The following CACNG2 variants were observed in gnomAD, a reference collection of about 807,000 sequenced individuals.
The protein encoded by CACNG2 is voltage-dependent calcium channel gamma-2 subunit.
Under a neutral mutation model 25.9 loss-of-function variants are expected in CACNG2, and 3 were observed. The observed-to-expected ratio is 0.12, with a 90% confidence interval of 0.05 to 0.30. CACNG2 has a LOEUF of 0.30. CACNG2 is among the 10% of genes least tolerant of loss of function. The pLI is 1.00. For missense variants in CACNG2, 341 were observed against 432.5 expected, an observed-to-expected ratio of 0.79 and a Z score of 1.88; for synonymous variants, 167 against 173.3, an observed-to-expected ratio of 0.96 and a Z score of 0.29.
intron 2 of CACNG2, among the ~76,000 whole-genome samples, chr22:36,570,498 G>A (rs939364494): frequency 3.9e-5 from 6 of 152,176 alleles, no homozygotes; most frequent in Admixed American, 2.0e-4. Flanking sequence ...GGTGGCTCAC[G>A]CCTGTAATCC....
intron 1 of CACNG2, among the ~76,000 whole-genome samples, chr22:36,625,888 T>C (rs1249242563): frequency 6.6e-6 from 1 of 152,170 alleles, no homozygotes; most frequent in Non-Finnish European, 1.5e-5. Flanking sequence ...CAGATTGAGC[T>C]AGCTACCTTG....
intron 2 of CACNG2, among the ~76,000 whole-genome samples, chr22:36,567,163 A>G (rs1240431129): frequency 6.6e-6 from 1 of 152,230 alleles, no homozygotes; most frequent in Non-Finnish European, 1.5e-5. Context: ...AGGGATGGTA[A>G]TAATGCCAAG....
chr22:36,597,741 C>T (rs1173775687), intron 1 of CACNG2, among the ~76,000 whole-genome samples: 4 of 152,172 alleles, frequency 2.6e-5, no homozygotes, highest in Admixed American at 6.5e-5. Context: ...CTGGGGATCA[C>T]GTTAAGCCAG....
chr22:36,586,016 AC>A (rs1180549660), intron 2 of CACNG2, among the ~76,000 whole-genome samples: 3 of 152,274 alleles, frequency 2.0e-5, no homozygotes, highest in Non-Finnish European at 4.4e-5. Flanking sequence ...TTCGAGCTCC[AC>A]CTGGTGAGCC....
At chr22:36,679,184 TCC>T (rs1203081569) in intron 1 of CACNG2, among the ~76,000 whole-genome samples, 1,147 of 114,174 alleles carry the variant, frequency 0.01, 8 homozygotes, top group Middle Eastern at 0.028. Context: ...CTTCCTTCCT[TCC>T]TTCCTTCCTT....
chr22:36,643,095 CTT>C (rs1936465365), intron 1 of CACNG2, among the ~76,000 whole-genome samples: 1 of 144,070 alleles, frequency 6.9e-6, no homozygotes, highest in Admixed American at 7.2e-5. Flanking sequence ...TTCTTTCTCT[CTT>C]TCTCTTCTCT....
At chr22:36,612,068 C>A (rs376533593) in intron 1 of CACNG2, among the ~76,000 whole-genome samples, 1 of 152,178 alleles carries the variant, frequency 6.6e-6, no homozygotes, top group East Asian at 1.9e-4. Context: ...CAGACTCCAG[C>A]AATCCAAGTT....
chr22:36,663,621 G>A (rs1038760045), intron 1 of CACNG2, among the ~76,000 whole-genome samples: 2 of 152,066 alleles, frequency 1.3e-5, no homozygotes, highest in African/African-American at 2.4e-5. Context: ...TTATTAATGC[G>A]TCGCGAGGGG....
At chr22:36,680,867 C>A (rs995478515) in intron 1 of CACNG2, among the ~76,000 whole-genome samples, 6 of 150,250 alleles carry the variant, frequency 4.0e-5, no homozygotes, top group African/African-American at 1.2e-4. Flanking sequence ...CCACCATCAC[C>A]ATCACTATCA....
chr22:36,567,859 T>G (rs888982190), intron 2 of CACNG2, among the ~76,000 whole-genome samples: 2 of 152,130 alleles, frequency 1.3e-5, no homozygotes, highest in Non-Finnish European at 2.9e-5. Flanking sequence ...TTTATTATTA[T>G]TATTTTTTGA....
intron 1 of CACNG2, among the ~76,000 whole-genome samples, chr22:36,643,886 C>A (rs1426567306): frequency 2.6e-5 from 4 of 152,128 alleles, no homozygotes; most frequent in African/African-American, 7.2e-5. Flanking sequence ...GATGAAAAAA[C>A]TGGGGCTTAA....
intron 1 of CACNG2, among the ~76,000 whole-genome samples, chr22:36,661,325 A>G (rs896916970): frequency 3.9e-5 from 6 of 152,096 alleles, no homozygotes; most frequent in Admixed American, 2.0e-4. Context: ...AATCATATTT[A>G]TTTCTTCCTT....
intron 1 of CACNG2, among the ~76,000 whole-genome samples, chr22:36,670,182 C>A (rs73415688): frequency 2.0e-5 from 3 of 152,054 alleles, no homozygotes; most frequent in Admixed American, 6.6e-5. Context: ...CTGTGAGCAG[C>A]GTTGGATGCT....
At chr22:36,565,105 T>C (rs1935104473) in intron 3 of CACNG2, among the ~76,000 whole-genome samples, 3 of 152,276 alleles carry the variant, frequency 2.0e-5, no homozygotes, top group South Asian at 2.1e-4. Context: ...GAAGCGCTAA[T>C]GGAAACAGAC....
At chr22:36,613,154 CTCTG>C (rs1363489360) in intron 1 of CACNG2, among the ~76,000 whole-genome samples, 94 of 73,998 alleles carry the variant, frequency 1.3e-3, no homozygotes, top group African/African-American at 2.9e-3. Context: ...ATTACAGGCT[CTCTG>C]TGTGTGTGTG....
At chr22:36,595,570 G>C (rs1247584054) in intron 1 of CACNG2, among the ~76,000 whole-genome samples, 1 of 152,196 alleles carries the variant, frequency 6.6e-6, no homozygotes. Flanking sequence ...TTGGAGATTT[G>C]CAAAAGGACT....
chr22:36,680,989 C>T (rs1937114643), intron 1 of CACNG2, among the ~76,000 whole-genome samples: 1 of 151,962 alleles, frequency 6.6e-6, no homozygotes, highest in Non-Finnish European at 1.5e-5. Flanking sequence ...TTTATTTATA[C>T]ATTTATCCAT....
At chr22:36,611,746 C>T (rs1200469493) in intron 1 of CACNG2, among the ~76,000 whole-genome samples, 1 of 152,140 alleles carries the variant, frequency 6.6e-6, no homozygotes, top group Non-Finnish European at 1.5e-5. Context: ...AGCACTGTGG[C>T]CGGCGTCTGT....
intron 1 of CACNG2, among the ~76,000 whole-genome samples, chr22:36,682,058 G>A (rs1937131796): frequency 6.6e-6 from 1 of 152,230 alleles, no homozygotes; most frequent in Admixed American, 6.5e-5. Flanking sequence ...AAGTGTAACA[G>A]CAGACCAAGA....
Sources: allele counts gnomAD v4.1 joint callset (sites outside exome capture counted in the v4.1 genomes callset), GRCh38; gene constraint gnomAD v4.1.1; transcripts MANE v1.5; gene names NCBI Gene and HGNC (gene_info 2026-07-23, HGNC 2026-07-21).